The following SPATA7 variants were observed in gnomAD, a reference collection of about 807,000 sequenced individuals.
SPATA7 encodes spermatogenesis-associated protein 7.
Under a neutral mutation model 51.8 loss-of-function variants are expected in SPATA7, and 43 were observed. That is an observed-to-expected ratio of 0.83 (90% confidence interval 0.65 to 1.07). The LOEUF is 1.07. Among genes scored for constraint, SPATA7 ranks in the 50% least tolerant of loss-of-function variants. The pLI is 0.00. For missense variants in SPATA7, 683 were observed against 701.3 expected, an observed-to-expected ratio of 0.97 and a Z score of 0.30; for synonymous variants, 230 against 252.8, an observed-to-expected ratio of 0.91 and a Z score of 0.86.
chr14:88,422,149 G>C (rs2076664491), intron 5 of SPATA7, among the ~76,000 whole-genome samples: 1 of 152,066 alleles, frequency 6.6e-6, no homozygotes, highest in Non-Finnish European at 1.5e-5. Flanking sequence ...TTTATTGTTT[G>C]GCTGTGTTTG....
At chr14:88,407,255 T>C (rs1294162005) in intron 4 of SPATA7, among the ~76,000 whole-genome samples, 3 of 152,216 alleles carry the variant, frequency 2.0e-5, no homozygotes, top group African/African-American at 7.2e-5. Flanking sequence ...CGTTCATATT[T>C]CTCCACATCA....
rs984732594 is a variant in SPATA7 at position 88,429,436 on chromosome 14, A to G, written c.1001A>G (p.Asp334Gly). 6.2e-7 allele frequency: 1 copy of G among 1,612,162 alleles called. No homozygotes were observed. The highest frequency in any genetic ancestry group is 1.1e-5 in the South Asian group (1 of 91,028). Residue 334 changes from aspartate to glycine, a missense_variant, in exon 8 of 12, where the codon GAT (aspartate) becomes GGT (glycine). Coordinates refer to ENST00000393545, the MANE Select transcript of SPATA7 (RefSeq NM_018418.5). ...GACTCAACATGGGATGAGATTAAGG[A>G]TGATGCTCTTCAGCATTCCTCACCA... ...GHDSTWDEIK[D>G]DALQHSSPRA...
intron 4 of SPATA7, among the ~76,000 whole-genome samples, chr14:88,461,667 G>C (rs981171207): frequency 6.6e-6 from 1 of 152,020 alleles, no homozygotes; most frequent in Non-Finnish European, 1.5e-5. Flanking sequence ...CGGCTGAGGC[G>C]ATGCCTCACC....
At chr14:88,400,616 T>C in intron 4 of SPATA7, among the ~76,000 whole-genome samples, 1 of 152,072 alleles carries the variant, frequency 6.6e-6, no homozygotes. Flanking sequence ...GGCAGATCAC[T>C]TGAGGTCAGG....
chr14:88,411,828 T>C (rs1420904185), intron 4 of SPATA7, among the ~76,000 whole-genome samples: 1 of 151,952 alleles, frequency 6.6e-6, no homozygotes, highest in Non-Finnish European at 1.5e-5. Context: ...AGGGCATGTG[T>C]CTTTTTGGTA....
At chr14:88,443,632 G>A (rs191314199) in intron 3 of SPATA7, among the ~76,000 whole-genome samples, 5 of 105,106 alleles carry the variant, frequency 4.8e-5, no homozygotes, top group East Asian at 5.2e-4. Flanking sequence ...TCCCTCCCCC[G>A]ACCCCACGAC....
intron 1 of SPATA7, among the ~76,000 whole-genome samples, chr14:88,386,453 TG>T (rs1260886145): frequency 2.0e-5 from 3 of 152,068 alleles, no homozygotes; most frequent in Non-Finnish European, 4.4e-5. Context: ...GTAGGTCCCT[TG>T]GGGGTGGCTG....
intron 3 of SPATA7, among the ~76,000 whole-genome samples, chr14:88,395,794 C>T (rs553644357): frequency 6.6e-6 from 1 of 152,122 alleles, no homozygotes; most frequent in Admixed American, 6.5e-5. Context: ...TCTTTAAGCC[C>T]CATGCCACAC....
intron 3 of SPATA7, among the ~76,000 whole-genome samples, chr14:88,445,731 C>G (rs1459800503): frequency 6.6e-6 from 1 of 152,280 alleles, no homozygotes; most frequent in African/African-American, 2.4e-5. Context: ...TTTTCTGCAT[C>G]TATTGAGATA....
intron 5 of SPATA7, among the ~76,000 whole-genome samples, chr14:88,419,589 C>T (rs539586533): frequency 6.6e-6 from 1 of 150,562 alleles, no homozygotes; most frequent in Non-Finnish European, 1.5e-5. Flanking sequence ...TGCAGTGGCG[C>T]TATCTTGGCT....
At chr14:88,458,940 T>C (rs926351259), downstream of SPATA7, among the ~76,000 whole-genome samples, 3 of 152,230 alleles carry the variant, frequency 2.0e-5, no homozygotes, top group African/African-American at 7.2e-5. Context: ...CTCACTGGTT[T>C]CAAAGAACAT....
At chr14:88,437,487 ATAT>A in intron 10 of SPATA7, 53 bp from the exon 11 acceptor site, 1 of 1,268,784 alleles carries the variant, frequency 7.9e-7, no homozygotes, top group Admixed American at 1.7e-5. Flanking sequence ...TAGCTAGTTT[ATAT>A]TTAGATGATT....
Position 88,385,790 on chromosome 14 carries a change from T to A in SPATA7, c.-29T>A. On this transcript the variant is annotated 5_prime_UTR_variant, in exon 1 of 12. Transcript: ENST00000393545. ...GAAGGACCGAAGGGGATACAGCGTG[T>A]CCCTGCGGCGGCTGCAAGAGGACTA... is the stretch of plus-strand genomic sequence containing the variant. 6.3e-7 allele frequency: 1 copy of A among 1,598,846 alleles called. No homozygotes were observed. Among genetic ancestry groups the A allele is most frequent in the Non-Finnish European group, 8.5e-7 (1 of 1,171,432 alleles).
At chr14:88,421,715 C>T in intron 5 of SPATA7, among the ~76,000 whole-genome samples, 1 of 152,158 alleles carries the variant, frequency 6.6e-6, no homozygotes, top group East Asian at 1.9e-4. Context: ...CTTTGGGAGG[C>T]TGAGGCGGGC....
At chr14:88,447,031 G>C (rs923278408) in intron 3 of SPATA7, among the ~76,000 whole-genome samples, 1 of 151,940 alleles carries the variant, frequency 6.6e-6, no homozygotes, top group Non-Finnish European at 1.5e-5. Context: ...TCAATTCCTG[G>C]GTATCCTTGT....
intron 4 of SPATA7, among the ~76,000 whole-genome samples, chr14:88,403,772 C>A (rs2076133717): frequency 6.6e-6 from 1 of 151,984 alleles, no homozygotes; most frequent in African/African-American, 2.4e-5. Flanking sequence ...AGATGTTGGT[C>A]AAAGAGTACA....
chr14:88,439,468 A>G (rs845764), downstream of SPATA7, among the ~76,000 whole-genome samples: 152,312 of 152,314 alleles, frequency 1, 76,155 homozygotes, highest in Non-Finnish European at 1. Context: ...TTGTGTGCCC[A>G]TTATGTACAA....
chr14:88,398,858 C>G (rs1044744072), intron 4 of SPATA7, among the ~76,000 whole-genome samples: 49 of 151,944 alleles, frequency 3.2e-4, no homozygotes, highest in African/African-American at 1.2e-3. Context: ...CGAGACTATC[C>G]TGGCTAACAC....
rs764520590 is a variant in SPATA7 at position 88,393,461 on chromosome 14, C to G, written c.163C>G (p.His55Asp). The change falls in exon 3 of 12, where the codon CAC (histidine) becomes GAC (aspartate). Residue 55 changes from histidine to aspartate, a missense_variant. Transcript: ENST00000393545. ...LQLVKNHMAVHYNKILSAKAA... is the reference protein window; with the variant it reads ...LQLVKNHMAVDYNKILSAKAA... ...GCTGGTCAAGAATCACATGGCTGTT[C>G]ACTATAATAAAATCCTTTCAGCCAA... is the stretch of plus-strand genomic sequence containing the variant. 1 of 1,603,554 alleles carries G rather than the reference C, an allele frequency of 6.2e-7. No homozygotes were observed. The highest frequency in any genetic ancestry group is 1.7e-5 in the Admixed American group (1 of 59,104).
Sources: gnomAD v4.1 joint callset for allele counts (sites outside exome capture counted in the v4.1 genomes callset) on GRCh38, gnomAD v4.1.1 for gene constraint, MANE v1.5 for transcripts, NCBI Gene and HGNC (gene_info 2026-07-23, HGNC 2026-07-21) for gene names.